Variants in PPWD1 observed in about 807,000 individuals in gnomAD.
The protein encoded by PPWD1 is peptidylprolyl isomerase domain and WD repeat-containing protein 1.
A neutral mutation model predicts 68.8 loss-of-function variants in PPWD1; 43 were observed. The observed-to-expected ratio is 0.62, with a 90% CI of 0.49 to 0.81. PPWD1 has a LOEUF of 0.81. Among genes scored for constraint, PPWD1 ranks in the 30% least tolerant of loss-of-function variants. The pLI is 0.00. For missense variants in PPWD1, 672 were observed against 804.8 expected, an observed-to-expected ratio of 0.83 and a Z score of 2.00; for synonymous variants, 232 against 258.7, an observed-to-expected ratio of 0.90 and a Z score of 0.99.
intron 1 of PPWD1, among the ~76,000 whole-genome samples, chr5:65,565,136 G>A (rs1752683469): frequency 6.6e-6 from 1 of 152,178 alleles, no homozygotes; most frequent in Non-Finnish European, 1.5e-5. Flanking sequence ...TATGGCACTT[G>A]CCGCAGTTTC....
chr5:65,578,774 A>ACATATATGTGTATATATATATACG, intron 6 of PPWD1, among the ~76,000 whole-genome samples: 1 of 60,440 alleles, frequency 1.7e-5, no homozygotes, highest in African/African-American at 7.4e-5. Flanking sequence ...ATATATATAC[A>ACATATATGTGTATATATATATACG]TATATATGTG....
intron 5 of PPWD1, among the ~76,000 whole-genome samples, chr5:65,574,792 A>G (rs1013043571): frequency 6.6e-6 from 1 of 152,214 alleles, no homozygotes; most frequent in African/African-American, 2.4e-5. Flanking sequence ...ACATACTCTG[A>G]GCTGCTCAAT....
At chr5:65,564,260 A>G (rs985611082) in intron 1 of PPWD1, among the ~76,000 whole-genome samples, 2 of 150,866 alleles carry the variant, frequency 1.3e-5, no homozygotes, top group Non-Finnish European at 2.9e-5. Flanking sequence ...CTAAGCTCAA[A>G]TCGTACTTTA....
rs554469161 is a variant in PPWD1 at position 65,564,763 on chromosome 5, C to G, written c.196+1257C>G. 1.2e-3 allele frequency among the ~76,000 whole-genome samples: 182 copies of G among 152,304 alleles called. 1 individual carries two copies. Among genetic ancestry groups the G allele is most frequent in the African/African-American group, 3.6e-3 (149 of 41,562 alleles). Reference sequence around the variant, plus strand: ...GTACTCCACCCATTCTAAAATCACTCGAGAATCGGTCTTGTACTTTTTTTT... The same window carrying G: ...GTACTCCACCCATTCTAAAATCACTGGAGAATCGGTCTTGTACTTTTTTTT... On this transcript the variant is annotated intron_variant, in intron 1 of 10. Transcript: ENST00000261308.
chr5:65,586,393 A>G (rs1448922571), intron 10 of PPWD1, among the ~76,000 whole-genome samples: 2 of 152,176 alleles, frequency 1.3e-5, no homozygotes, highest in South Asian at 2.1e-4. Context: ...AAGAAATACA[A>G]TGGACTACGA....
chr5:65,564,326 T>C (rs1380277782), intron 1 of PPWD1, among the ~76,000 whole-genome samples: 12 of 21,598 alleles, frequency 5.6e-4, no homozygotes, highest in East Asian at 3.5e-3. Context: ...CTCTTTTTTT[T>C]TTTTTTTTTT....
At chr5:65,566,035 T>C (rs1752740789) in intron 1 of PPWD1, among the ~76,000 whole-genome samples, 1 of 152,182 alleles carries the variant, frequency 6.6e-6, no homozygotes, top group African/African-American at 2.4e-5. Flanking sequence ...ACTATATCTC[T>C]TCAGGACAGG....
intron 10 of PPWD1, among the ~76,000 whole-genome samples, chr5:65,586,737 G>A (rs1753868515): frequency 6.6e-6 from 1 of 152,142 alleles, no homozygotes; most frequent in Non-Finnish European, 1.5e-5. Context: ...ATAGTTTTAT[G>A]TAGTATTCAC....
chr5:65,579,336 A>G, intron 6 of PPWD1, 88 bp from the exon 7 acceptor site: 1 of 1,381,798 alleles, frequency 7.2e-7, no homozygotes, highest in East Asian at 2.7e-5. Flanking sequence ...TAGATAAGAT[A>G]GTTGATTCCC....
rs1387667111 is a variant in PPWD1 at position 65,567,518 on chromosome 5, G to C, written c.202G>C (p.Glu68Gln). 6.2e-7 allele frequency: 1 copy of C among 1,606,478 alleles called. No homozygotes were observed. Among genetic ancestry groups the C allele is most frequent in the Admixed American group, 1.7e-5 (1 of 58,828 alleles). Residue 68 changes from glutamate (E) to glutamine (Q), a missense_variant, in exon 2 of 11, where the codon GAG becomes CAG. Transcript: ENST00000261308. ...CTTTACTTTTTTTTCTTCAGTCTTA[G>C]AGTTTGAAAGAGTCTATCTTGATAA... is the stretch of plus-strand genomic sequence containing the variant. ...ATLAKKRKVL[E>Q]FERVYLDNLP...
At chr5:65,563,761 C>G in intron 1 of PPWD1, 1 of 1,463,752 alleles carries the variant, frequency 6.8e-7, no homozygotes, top group Non-Finnish European at 9.2e-7. Context: ...CTAACATTTT[C>G]CTATTCTTAT....
Position 65,577,162 on chromosome 5 carries a change from A to G in PPWD1, c.1160+93A>G, listed in dbSNP as rs1753337811. 5 of 1,467,916 alleles carry G rather than the reference A, an allele frequency of 3.4e-6. 1 individual carries two copies. The South Asian group carries it at 6.3e-5, about 18-fold the overall frequency. The allele number at this position is 1,467,916 out of a possible 1,614,324, so 90.9% of individuals were successfully genotyped here. A position where few individuals can be genotyped will look rare whatever the true frequency, so the allele number is the denominator to read the frequency against. Reference sequence around the variant, plus strand: ...AACAGTGGGAGTATTGTTTGTTCCAAGAAAAGTGGAATGGCCCCAAATGTC... The same window carrying G: ...AACAGTGGGAGTATTGTTTGTTCCAGGAAAAGTGGAATGGCCCCAAATGTC... On this transcript the variant is annotated intron_variant, in intron 6 of 10. Transcript: ENST00000261308.
intron 1 of PPWD1, among the ~76,000 whole-genome samples, chr5:65,565,164 A>G (rs1201484863): frequency 6.6e-6 from 1 of 152,158 alleles, no homozygotes. Context: ...ATATTTATTC[A>G]TGTGATTGAT....
chr5:65,576,986 TAATA>T lies in PPWD1; in HGVS notation c.1078_1081del (p.Asn360Ter). The T allele has an allele frequency of 6.2e-7, 1 of 1,614,160 alleles. No homozygotes were observed. Among genetic ancestry groups the T allele is most frequent in the Non-Finnish European group, 8.5e-7 (1 of 1,180,010 alleles). ...AGAAGGTTGATGCTGTAAGATTAAT[TAATA>T]TAGTTTTTGATGAAACTGGACACTT... On this transcript the variant is annotated frameshift_variant, in exon 6 of 11. Coordinates refer to ENST00000261308, the MANE Select transcript of PPWD1 (RefSeq NM_015342.4). LOFTEE classifies it high-confidence loss of function.
chr5:65,572,186 C>T lies in PPWD1; in HGVS notation c.869C>T (p.Pro290Leu). 6.2e-7 allele frequency: 1 copy of T among 1,613,636 alleles called. No homozygotes were observed. The highest frequency in any genetic ancestry group is 8.5e-7 in the Non-Finnish European group (1 of 1,179,612). Residue 290 changes from proline to leucine, a missense_variant, in exon 5 of 11, where the codon CCA becomes CTA. Around this residue, in one of 2 missense-constraint regions of PPWD1, gnomAD observed 484 missense variants for 646.2 expected, o/e 0.75. Coordinates refer to ENST00000261308, the MANE Select transcript of PPWD1 (RefSeq NM_015342.4). The stretch of plus-strand genomic sequence containing the variant: ...TATCCAACCAGCGTATGTTTTTCAC[C>T]AGATGGGAAGAAAATAGCTACTATT... ...KAYPTSVCFS[P>L]DGKKIATIGS...
intron 1 of PPWD1, among the ~76,000 whole-genome samples, chr5:65,564,629 CA>C (rs1752615273): frequency 6.6e-6 from 1 of 152,160 alleles, no homozygotes; most frequent in African/African-American, 2.4e-5. Flanking sequence ...TCATTATTTT[CA>C]TTAAAGCCCA....
Position 65,579,630 on chromosome 5 carries a change from G to C in PPWD1, c.1350+17G>C. ...TTTTATATGGTATGTGTAAGTACTA[G>C]GAGATTAGACGGTAATGTTCCTTCC... On this transcript the variant is annotated intron_variant, in intron 7 of 10. Coordinates refer to ENST00000261308, the MANE Select transcript of PPWD1 (RefSeq NM_015342.4). 1 of 1,466,272 alleles carries C rather than the reference G, an allele frequency of 6.8e-7. No individual in the cohort carries two copies. The highest frequency in any genetic ancestry group is 1.5e-5 in the South Asian group (1 of 67,532). 90.8% of individuals were successfully genotyped at this position (1,466,272 alleles called of 1,614,324 possible). A position where few individuals can be genotyped will look rare whatever the true frequency, so the allele number is the denominator to read the frequency against.
At position 65,587,355 on chromosome 5, in the gene PPWD1, C is replaced by T; in HGVS notation, c.1900C>T (p.Pro634Ser). 1 of 1,612,102 alleles carries T rather than the reference C, an allele frequency of 6.2e-7. No homozygotes were observed. The highest frequency in any genetic ancestry group is 8.5e-7 in the Non-Finnish European group (1 of 1,178,820). The change falls in exon 11 of 11, where the codon CCC becomes TCC. Residue 634 changes from proline to serine, a missense_variant. By Grantham distance (74) the Pro-to-Ser change is moderately conservative. Coordinates refer to ENST00000261308, the MANE Select transcript of PPWD1 (RefSeq NM_015342.4). Reference sequence around the variant, plus strand: ...CAAAGTCAATCCCAAAACAGATAAGCCCTATGAGGATGTCAGCATCATAAA... The same window carrying T: ...CAAAGTCAATCCCAAAACAGATAAGTCCTATGAGGATGTCAGCATCATAAA... Reference protein sequence around the residue: ...NVKVNPKTDKPYEDVSIINIT... With the variant: ...NVKVNPKTDKSYEDVSIINIT...
At position 65,573,471 on chromosome 5, in the gene PPWD1, ATATATTTTTT is replaced by A. The variant is rs1561725615; in HGVS notation, c.969+1187_969+1196del. Among the ~76,000 whole-genome samples, 385 of 48,708 alleles carry A rather than the reference ATATATTTTTT, an allele frequency of 7.9e-3. 29 individuals carry two copies. The highest frequency in any genetic ancestry group is 0.033 in the African/African-American group (374 of 11,372). 32.0% of individuals were successfully genotyped at this position (48,708 alleles called of 152,430 possible). ...CCACACTTAGCTAATATATATATATATATATTTTTTTTTTATTAGAGATGGGTTTTTTTTA... is the reference window on the plus strand; with the variant it reads ...CCACACTTAGCTAATATATATATATATTTTATTAGAGATGGGTTTTTTTTA... On this transcript the variant is annotated intron_variant, in intron 5 of 10. Transcript: ENST00000261308.
Sources: gnomAD v4.1 joint callset for allele counts (sites outside exome capture counted in the v4.1 genomes callset) on GRCh38, gnomAD v4.1.1 for gene constraint, gnomAD v4.1.1 regional missense constraint, MANE v1.5 for transcripts, NCBI Gene and HGNC (gene_info 2026-07-23, HGNC 2026-07-21) for gene names.